The following SLC2A9 variants were observed in gnomAD, a reference collection of about 807,000 sequenced individuals.
The protein encoded by SLC2A9 is solute carrier family 2, facilitated glucose transporter member 9.
SLC2A9 carries 39 observed loss-of-function variants against 50.6 expected under a neutral mutation model. The observed-to-expected ratio is 0.77, with a 90% CI of 0.60 to 1.01. The LOEUF is 1.01. Among genes scored for constraint, SLC2A9 ranks in the 50% least tolerant of loss-of-function variants. The pLI is 0.00. For synonymous variants in SLC2A9, 324 were observed against 276.9 expected (o/e 1.17, Z -1.69); for missense variants, 686 against 677.6 (o/e 1.01, Z -0.14).
At chr4:9,963,215 C>T (rs1047372205) in intron 5 of SLC2A9, among the ~76,000 whole-genome samples, 11 of 152,210 alleles carry the variant, frequency 7.2e-5, no homozygotes, top group African/African-American at 2.4e-4. Flanking sequence ...GAGGCTTATT[C>T]ACTACCATGA....
intron 1 of SLC2A9, among the ~76,000 whole-genome samples, chr4:10,039,377 G>A (rs200677384): frequency 3.9e-5 from 6 of 152,178 alleles, no homozygotes; most frequent in Admixed American, 6.5e-5. Context: ...AAGATGGGAC[G>A]TGAAGGGCCA....
chr4:10,012,856 C>T (rs1185674719), intron 2 of SLC2A9, among the ~76,000 whole-genome samples: 2 of 152,112 alleles, frequency 1.3e-5, no homozygotes, highest in South Asian at 2.1e-4. Context: ...TGTCATGTGT[C>T]ATGTGTCACG....
intron 10 of SLC2A9, among the ~76,000 whole-genome samples, chr4:9,881,991 C>T (rs997655188): frequency 8.7e-4 from 133 of 152,238 alleles, no homozygotes; most frequent in African/African-American, 3.1e-3. Context: ...ATTTCAAAAC[C>T]AAGTGCTATG....
rs796346216 is a variant in SLC2A9 at position 10,033,657 on chromosome 4, C to T, written c.-41+6473G>A. On this transcript the variant is annotated intron_variant, in intron 1 of 12. Coordinates refer to the SLC2A9 transcript ENST00000309065. ...GACTTCCGTGTTAGTTACCCCAATA[C>T]GCCCACTCTCTGCTTCAGTGAGCAA... is the stretch of plus-strand genomic sequence containing the variant. Among the ~76,000 whole-genome samples the T allele has an allele frequency of 2.6e-5, 4 of 152,196 alleles. No individual in the cohort carries two copies. In the East Asian group the frequency reaches 7.7e-4, roughly 29 times the overall value.
intron 4 of SLC2A9, among the ~76,000 whole-genome samples, chr4:9,981,299 AGTG>A (rs1755798972): frequency 7.2e-5 from 2 of 27,588 alleles, no homozygotes; most frequent in Admixed American, 7.1e-4. Flanking sequence ...TGGTTATGAT[AGTG>A]ATGGTGGCGA....
chr4:10,010,926 C>T (rs906060438), intron 2 of SLC2A9, among the ~76,000 whole-genome samples: 14 of 152,270 alleles, frequency 9.2e-5, no homozygotes, highest in African/African-American at 4.8e-5. Flanking sequence ...CCCCAGTGGT[C>T]GTTCTGCCTA....
intron 10 of SLC2A9, among the ~76,000 whole-genome samples, chr4:9,878,823 C>T (rs975208774): frequency 1.1e-4 from 17 of 152,038 alleles, no homozygotes; most frequent in African/African-American, 4.1e-4. Flanking sequence ...TTAACTCTTT[C>T]TGACACTCTG....
upstream of SLC2A9, among the ~76,000 whole-genome samples, chr4:10,023,118 C>A (rs576177381): frequency 1.3e-5 from 2 of 152,236 alleles, no homozygotes; most frequent in African/African-American, 2.4e-5. Context: ...CCACATCAAT[C>A]TCAGCTGGAT....
chr4:9,979,211 A>C (rs1286040416), intron 5 of SLC2A9, among the ~76,000 whole-genome samples: 1 of 151,924 alleles, frequency 6.6e-6, no homozygotes, highest in East Asian at 1.9e-4. Context: ...TCTGTCCCTT[A>C]CCTCTCTCTG....
chr4:9,818,633 C>T (rs1347753924), intron 3 of SLC2A9, among the ~76,000 whole-genome samples: 1 of 152,192 alleles, frequency 6.6e-6, no homozygotes, highest in Non-Finnish European at 1.5e-5. Flanking sequence ...GGGCTGCTGG[C>T]CAAGGCCAAG....
chr4:10,021,185 C>T (rs1367152979), intron 1 of SLC2A9, 95 bp downstream of exon 1: 9 of 1,325,538 alleles, frequency 6.8e-6, no homozygotes, highest in Non-Finnish European at 9.8e-6. Context: ...CAGCTACACG[C>T]TGCCAGGCTG....
intron 7 of SLC2A9, among the ~76,000 whole-genome samples, chr4:9,916,964 C>G: frequency 6.6e-6 from 1 of 152,298 alleles, no homozygotes; most frequent in Non-Finnish European, 1.5e-5. Context: ...GCCTCCATCT[C>G]CCAGGATGGA....
At chr4:9,821,119 T>C (rs1724338735) in intron 3 of SLC2A9, among the ~76,000 whole-genome samples, 1 of 152,222 alleles carries the variant, frequency 6.6e-6, no homozygotes, top group South Asian at 2.1e-4. Flanking sequence ...CCTGGTTTGG[T>C]AAGTGTTTTG....
chr4:9,898,461 C>T (rs1357901414), intron 8 of SLC2A9, among the ~76,000 whole-genome samples: 1 of 152,140 alleles, frequency 6.6e-6, no homozygotes, highest in Admixed American at 6.5e-5. Flanking sequence ...TTATTTATTG[C>T]TCATTGTCTA....
intron 11 of SLC2A9, among the ~76,000 whole-genome samples, chr4:9,828,273 C>T (rs1001946338): frequency 4.6e-5 from 7 of 152,182 alleles, no homozygotes; most frequent in African/African-American, 7.2e-5. Context: ...TCTATTGTAA[C>T]CTAATTTTGG....
chr4:9,877,704 T>C (rs1391022031), intron 10 of SLC2A9, among the ~76,000 whole-genome samples: 1 of 152,176 alleles, frequency 6.6e-6, no homozygotes, highest in Non-Finnish European at 1.5e-5. Context: ...TTTCATGGTT[T>C]CTTCTTTCCA....
downstream of SLC2A9, among the ~76,000 whole-genome samples, chr4:9,777,857 C>T (rs1477189237): frequency 6.6e-6 from 1 of 152,130 alleles, no homozygotes; most frequent in Non-Finnish European, 1.5e-5. Context: ...GCAGAGGACT[C>T]AGTAAGTCTT....
intron 5 of SLC2A9, among the ~76,000 whole-genome samples, chr4:9,955,596 C>T (rs1377220819): frequency 2.0e-5 from 3 of 151,784 alleles, no homozygotes; most frequent in African/African-American, 7.2e-5. Context: ...ACTTTACTTC[C>T]TTTCATTCCT....
chr4:9,890,300 C>T (rs1452143419), intron 9 of SLC2A9, among the ~76,000 whole-genome samples: 3 of 152,194 alleles, frequency 2.0e-5, no homozygotes, highest in Non-Finnish European at 4.4e-5. Context: ...CTAGTGCAAG[C>T]TCTTCTATTC....
Sources: gnomAD v4.1 joint callset for allele counts (sites outside exome capture counted in the v4.1 genomes callset) on GRCh38, gnomAD v4.1.1 for gene constraint, MANE v1.5 for transcripts, NCBI Gene and HGNC (gene_info 2026-07-23, HGNC 2026-07-21) for gene names.